Variants in RAB3GAP2 observed in about 807,000 individuals in gnomAD.
RAB3GAP2 encodes rab3 GTPase-activating protein non-catalytic subunit.
RAB3GAP2 carries 87 observed loss-of-function variants against 185.3 expected under a neutral mutation model. The ratio of observed to expected loss-of-function variants is 0.47; its 90% CI spans 0.39 to 0.56. The LOEUF is 0.56. Among genes scored for constraint, RAB3GAP2 ranks in the 20% least tolerant of loss-of-function variants. RAB3GAP2 has a pLI of 0.00. For synonymous variants in RAB3GAP2, 554 were observed against 576.1 expected (o/e 0.96, Z 0.55); for missense variants, 1,492 against 1,638.2 (o/e 0.91, Z 1.54).
chr1:220,201,368 T>G (rs1658854205), intron 9 of RAB3GAP2, among the ~76,000 whole-genome samples: 1 of 152,168 alleles, frequency 6.6e-6, no homozygotes, highest in Non-Finnish European at 1.5e-5. Context: ...TTAAGACTGA[T>G]TTATATGGTC....
At chr1:220,227,942 A>G (rs145205911) in intron 2 of RAB3GAP2, among the ~76,000 whole-genome samples, 101 of 152,312 alleles carry the variant, frequency 6.6e-4, no homozygotes, top group African/African-American at 2.4e-3. Flanking sequence ...AGTTAGAGAC[A>G]GGGTTTTGCC....
At chr1:220,157,196 A>G (rs962721893) in intron 31 of RAB3GAP2, 74 bp downstream of exon 31, 18 of 1,298,522 alleles carry the variant, frequency 1.4e-5, no homozygotes, top group African/African-American at 8.8e-5. Context: ...GACAGCTTCT[A>G]TTAAATATGA....
intron 18 of RAB3GAP2, among the ~76,000 whole-genome samples, chr1:220,185,398 T>A (rs146966739): frequency 2.9e-4 from 44 of 152,260 alleles, no homozygotes; most frequent in Non-Finnish European, 5.1e-4. Flanking sequence ...TAACCACTTA[T>A]CATTCTATCC....
intron 21 of RAB3GAP2, among the ~76,000 whole-genome samples, chr1:220,174,019 CAAAAAAAAAAAAA>C (rs398050108): frequency 4.9e-4 from 25 of 51,006 alleles, no homozygotes; most frequent in African/African-American, 1.9e-3. Flanking sequence ...GACTCTGTCT[CAAAAAAAAAAAAA>C]AAAAAAGAAA....
chr1:220,226,211 A>G (rs1427664244), intron 2 of RAB3GAP2, among the ~76,000 whole-genome samples: 1 of 152,170 alleles, frequency 6.6e-6, no homozygotes. Flanking sequence ...CTATTGAGCA[A>G]ATCCCCAAGT....
At chr1:220,188,961 A>G (rs2102868492) in intron 17 of RAB3GAP2, among the ~76,000 whole-genome samples, 1 of 152,286 alleles carries the variant, frequency 6.6e-6, no homozygotes, top group Admixed American at 6.5e-5. Context: ...GCATTTATAT[A>G]AAGTTTGAAA....
chr1:220,236,409 C>T (rs1373399881), intron 1 of RAB3GAP2, among the ~76,000 whole-genome samples: 1 of 152,138 alleles, frequency 6.6e-6, no homozygotes, highest in African/African-American at 2.4e-5. Flanking sequence ...AACTCCTGAA[C>T]TCGTGATCCG....
chr1:220,239,836 T>G (rs1199194849), intron 1 of RAB3GAP2, among the ~76,000 whole-genome samples: 1 of 152,142 alleles, frequency 6.6e-6, no homozygotes, highest in Non-Finnish European at 1.5e-5. Flanking sequence ...ACAAAATTTG[T>G]ATCATTACTA....
At chr1:220,187,075 C>A (rs570056686) in intron 17 of RAB3GAP2, among the ~76,000 whole-genome samples, 1 of 152,210 alleles carries the variant, frequency 6.6e-6, no homozygotes, top group Non-Finnish European at 1.5e-5. Context: ...GTTTTAAAAA[C>A]GGACTGCAAC....
intron 1 of RAB3GAP2, chr1:220,253,727 G>A (rs1659981223): frequency 2.5e-6 from 4 of 1,611,056 alleles, no homozygotes; most frequent in Non-Finnish European, 2.5e-6. Context: ...AATAAAAATT[G>A]GGATGAGTGG....
chr1:220,253,789 C>G, intron 1 of RAB3GAP2: 1 of 1,611,724 alleles, frequency 6.2e-7, no homozygotes, highest in South Asian at 1.1e-5. Context: ...GCAGAAACAG[C>G]GAGAACTTCA....
chr1:220,240,487 C>T (rs1659670053), intron 1 of RAB3GAP2, among the ~76,000 whole-genome samples: 1 of 151,918 alleles, frequency 6.6e-6, no homozygotes, highest in Non-Finnish European at 1.5e-5. Flanking sequence ...CACAGAAAAT[C>T]AAAGATTGCA....
chr1:220,194,716 T>C (rs1394405856), intron 12 of RAB3GAP2, among the ~76,000 whole-genome samples: 2 of 152,124 alleles, frequency 1.3e-5, no homozygotes, highest in African/African-American at 4.8e-5. Flanking sequence ...TAAAAAGAAA[T>C]CACTAAGTAC....
chr1:220,203,693 A>C (rs1002225951), intron 8 of RAB3GAP2, among the ~76,000 whole-genome samples: 1 of 152,218 alleles, frequency 6.6e-6, no homozygotes, highest in Non-Finnish European at 1.5e-5. Flanking sequence ...CTTTTGGCAT[A>C]TATATTAATG....
At chr1:220,206,137 T>A in intron 7 of RAB3GAP2, 131 bp from the exon 8 acceptor site, 1 of 599,392 alleles carries the variant, frequency 1.7e-6, no homozygotes, top group Non-Finnish European at 2.9e-6. Context: ...AGAAGAACAG[T>A]AAAAATAGAT....
rs886046017 is a variant in RAB3GAP2, at chr1:220,151,654, C to A, written c.3978G>T (p.Glu1326Asp). ...LLHTQTKEGM[E>D]LLARLPPTLC... ...GTGTGGGTGGAAGTCTGGCAAGCAG[C>A]TCCATTCCTTCTTTTGTCTGGGTGT... The change falls in exon 34 of 35, where the codon GAG (glutamate) becomes GAT (aspartate). Residue 1326 changes from glutamate (E) to aspartate (D), a missense_variant. Physicochemically the swap from Glu to Asp is conservative, Grantham distance 45 (BLOSUM62 2). This residue lies in a region of RAB3GAP2 where 387 missense variants were observed against 455.3 expected (regional missense o/e 0.85). Transcript: ENST00000358951. 3 of 1,612,118 alleles carry A rather than the reference C, an allele frequency of 1.9e-6. No homozygotes were observed. In the East Asian group the frequency reaches 6.7e-5, roughly 36 times the overall value.
intron 2 of RAB3GAP2, among the ~76,000 whole-genome samples, chr1:220,223,618 A>C (rs971975944): frequency 2.0e-5 from 3 of 152,132 alleles, no homozygotes; most frequent in African/African-American, 7.2e-5. Flanking sequence ...GCAAGAGAAA[A>C]GCGCATTCAT....
chr1:220,188,202 C>T (rs1008849781), intron 17 of RAB3GAP2, among the ~76,000 whole-genome samples: 18 of 151,498 alleles, frequency 1.2e-4, no homozygotes, highest in African/African-American at 4.1e-4. Flanking sequence ...TACATTTTCA[C>T]AGTAGCATTA....
At chr1:220,157,219 C>T in intron 31 of RAB3GAP2, 51 bp downstream of exon 31, 1 of 1,466,336 alleles carries the variant, frequency 6.8e-7, no homozygotes, top group Non-Finnish European at 9.5e-7. Context: ...ATCCATGTGT[C>T]TGCTAAGCCT....
Sources: gnomAD v4.1 joint callset for allele counts (sites outside exome capture counted in the v4.1 genomes callset) on GRCh38, gnomAD v4.1.1 for gene constraint, gnomAD v4.1.1 regional missense constraint, MANE v1.5 for transcripts, NCBI Gene and HGNC (gene_info 2026-07-23, HGNC 2026-07-21) for gene names.